SLC24A2: variants seen among roughly 807,000 people sequenced by gnomAD.
SLC24A2 encodes solute carrier family 24 member 2.
A neutral mutation model predicts 62.0 loss-of-function variants in SLC24A2; 36 were observed. The observed-to-expected ratio is 0.58, with a 90% CI of 0.44 to 0.77. The LOEUF is 0.77. Among genes scored for constraint, SLC24A2 ranks in the 30% least tolerant of loss-of-function variants. SLC24A2 has a pLI of 0.00. For missense variants in SLC24A2, 846 were observed against 817.9 expected (o/e 1.03, Z -0.42); for synonymous variants, 358 against 294.0 (o/e 1.22, Z -2.23).
chr9:19,833,112 G>A, the SLC24A2 span, among the ~76,000 whole-genome samples: 28 of 152,286 alleles, frequency 1.8e-4, 1 homozygote, highest in Middle Eastern at 6.8e-3. Flanking sequence ...CAAGATGGCC[G>A]AATAGGAACA....
At chr9:19,900,968 A>T in the SLC24A2 span, among the ~76,000 whole-genome samples, 1 of 152,380 alleles carries the variant, frequency 6.6e-6, no homozygotes, top group African/African-American at 2.4e-5. Context: ...AAAGCAGCAT[A>T]GTGCAGAGCA....
intron 10 of SLC24A2, among the ~76,000 whole-genome samples, chr9:19,517,729 T>A (rs1832997078): frequency 6.6e-6 from 1 of 151,848 alleles, no homozygotes; most frequent in Non-Finnish European, 1.5e-5. Flanking sequence ...TAATTCCAGT[T>A]CTTAGCAGGA....
At chr9:19,838,098 C>G in the SLC24A2 span, among the ~76,000 whole-genome samples, 1 of 151,840 alleles carries the variant, frequency 6.6e-6, no homozygotes, top group African/African-American at 2.4e-5. Flanking sequence ...CAAAAAAGAG[C>G]CCGCATTGCC....
At chr9:19,992,647 T>A in the SLC24A2 span, among the ~76,000 whole-genome samples, 1 of 152,182 alleles carries the variant, frequency 6.6e-6, no homozygotes, top group East Asian at 1.9e-4. Flanking sequence ...TAGGTTCAGA[T>A]TAAATTCATC....
chr9:20,255,602 C>T, the SLC24A2 span, among the ~76,000 whole-genome samples: 14 of 151,532 alleles, frequency 9.2e-5, no homozygotes, highest in African/African-American at 1.2e-4. Context: ...GGCCTCAGTT[C>T]CTTTCCACAC....
intron 5 of SLC24A2, among the ~76,000 whole-genome samples, chr9:19,592,880 G>A (rs748815288): frequency 7.9e-5 from 12 of 152,238 alleles, no homozygotes; most frequent in Non-Finnish European, 1.6e-4. Context: ...AAGATAAGGT[G>A]ACTGCTGCCT....
intron 10 of SLC24A2, among the ~76,000 whole-genome samples, chr9:19,518,302 T>C (rs1045506380): frequency 6.6e-6 from 1 of 152,166 alleles, no homozygotes; most frequent in Non-Finnish European, 1.5e-5. Flanking sequence ...AGATGAAAGA[T>C]GCATACATAC....
the SLC24A2 span, among the ~76,000 whole-genome samples, chr9:19,908,366 T>G: frequency 6.6e-6 from 1 of 152,052 alleles, no homozygotes; most frequent in Non-Finnish European, 1.5e-5. Flanking sequence ...ATGTTAGACC[T>G]AAAACCATAA....
chr9:20,088,387 G>A, the SLC24A2 span, among the ~76,000 whole-genome samples: 1 of 152,202 alleles, frequency 6.6e-6, no homozygotes, highest in African/African-American at 2.4e-5. Flanking sequence ...GAGGCAACTA[G>A]GGACTGGAGC....
the SLC24A2 span, among the ~76,000 whole-genome samples, chr9:19,876,444 A>G: frequency 6.6e-6 from 1 of 150,982 alleles, no homozygotes; most frequent in Non-Finnish European, 1.5e-5. Flanking sequence ...ATTCTTGGAA[A>G]CCATATATAA....
At chr9:19,552,114 T>G (rs1368287315) in intron 7 of SLC24A2, among the ~76,000 whole-genome samples, 1 of 152,228 alleles carries the variant, frequency 6.6e-6, no homozygotes, top group East Asian at 1.9e-4. Flanking sequence ...TCCCTATTTC[T>G]TTCTATGCAA....
chr9:20,305,517 T>C, the SLC24A2 span, among the ~76,000 whole-genome samples: 273 of 152,226 alleles, frequency 1.8e-3, 2 homozygotes, highest in African/African-American at 6.2e-3. Context: ...GAGGTAGCAA[T>C]AACAGCTGTC....
At chr9:19,704,197 T>C (rs1476665314) in intron 2 of SLC24A2, among the ~76,000 whole-genome samples, 2 of 152,218 alleles carry the variant, frequency 1.3e-5, no homozygotes, top group African/African-American at 2.4e-5. Context: ...CCTGAGATTA[T>C]GCATTTCCAA....
At chr9:19,735,525 A>G (rs1821481355) in intron 2 of SLC24A2, among the ~76,000 whole-genome samples, 1 of 152,218 alleles carries the variant, frequency 6.6e-6, no homozygotes, top group Non-Finnish European at 1.5e-5. Flanking sequence ...CCAAAGGATT[A>G]TAAATCATGC....
rs753004230 is a variant in SLC24A2, at chr9:19,576,927, C to G, written c.1225G>C (p.Val409Leu). 1 of 1,611,068 alleles carries G rather than the reference C, an allele frequency of 6.2e-7. No individual in the cohort carries two copies. Among genetic ancestry groups the G allele is most frequent in the African/African-American group, 1.3e-5 (1 of 74,882 alleles). ...NERQNGAANH[V>L]EKIELPNSTS... Reference sequence around the variant, plus strand: ...GTGGATGTTTCCCTGCACTCACCCACGTGGTTGGCAGCCCCATTCTGCCTC... The same window carrying G: ...GTGGATGTTTCCCTGCACTCACCCAGGTGGTTGGCAGCCCCATTCTGCCTC... The change falls in exon 6 of 11, where the codon GTG (valine) becomes CTG (leucine). Residue 409 changes from valine (V) to leucine (L), a missense_variant. Transcript: ENST00000341998.
chr9:19,999,206 G>C, the SLC24A2 span, among the ~76,000 whole-genome samples: 117,935 of 151,688 alleles, frequency 0.78, 46,165 homozygotes, highest in Non-Finnish European at 0.83. Flanking sequence ...TCACTCCTTC[G>C]CCTCCCTGGC....
the SLC24A2 span, among the ~76,000 whole-genome samples, chr9:20,164,319 A>G: frequency 4.0e-4 from 61 of 152,138 alleles, no homozygotes; most frequent in South Asian, 8.7e-3. Flanking sequence ...AAAAGTGGGC[A>G]AAGGACATGA....
At chr9:19,947,433 A>AAGAAGGAAGGAAGG in the SLC24A2 span, among the ~76,000 whole-genome samples, 1 of 151,714 alleles carries the variant, frequency 6.6e-6, no homozygotes, top group Non-Finnish European at 1.5e-5. Context: ...GAAGGAAAGA[A>AAGAAGGAAGGAAGG]AGAAGGAAGG....
At chr9:19,687,387 T>C (rs1401026731) in intron 2 of SLC24A2, among the ~76,000 whole-genome samples, 4 of 152,094 alleles carry the variant, frequency 2.6e-5, no homozygotes. Context: ...TACTTAAAGT[T>C]TATGAGCCAT....
Sources: gnomAD v4.1 joint callset for allele counts (sites outside exome capture counted in the v4.1 genomes callset) on GRCh38, gnomAD v4.1.1 for gene constraint, MANE v1.5 for transcripts, NCBI Gene and HGNC (gene_info 2026-07-23, HGNC 2026-07-21) for gene names.